Variants in SLC25A21 observed in about 807,000 individuals in gnomAD.
SLC25A21 encodes the protein mitochondrial 2-oxodicarboxylate carrier.
In SLC25A21, 47 loss-of-function variants were observed where a neutral mutation model predicts 43.8. That is an observed-to-expected ratio of 1.07 (90% confidence interval 0.85 to 1.37). The LOEUF is 1.37. Among genes scored for constraint, SLC25A21 ranks in the 40% most tolerant of loss-of-function variants. The pLI is 0.00. For synonymous variants in SLC25A21, 131 were observed against 121.3 expected (o/e 1.08, Z -0.52); for missense variants, 352 against 350.2 (o/e 1.00, Z -0.04).
chr14:37,012,152 A>G (rs1010848877), intron 1 of SLC25A21, among the ~76,000 whole-genome samples: 2 of 152,198 alleles, frequency 1.3e-5, no homozygotes, highest in Admixed American at 6.5e-5. Flanking sequence ...GGACTTTGGA[A>G]CCACATATGA....
intron 3 of SLC25A21, among the ~76,000 whole-genome samples, chr14:36,799,913 T>G (rs1042777364): frequency 6.6e-6 from 1 of 152,188 alleles, no homozygotes; most frequent in Non-Finnish European, 1.5e-5. Context: ...ATATGTAGTA[T>G]TATTATTCCT....
intron 1 of SLC25A21, among the ~76,000 whole-genome samples, chr14:37,048,498 CT>C (rs1961636498): frequency 1.3e-5 from 2 of 151,770 alleles, no homozygotes; most frequent in Admixed American, 6.6e-5. Context: ...AAATGTACCT[CT>C]ACATTTTAAG....
intron 1 of SLC25A21, among the ~76,000 whole-genome samples, chr14:37,120,672 T>A (rs563830767): frequency 2.0e-5 from 3 of 152,112 alleles, no homozygotes; most frequent in African/African-American, 7.2e-5. Flanking sequence ...CTAAGCTTAG[T>A]TACCGGGCAT....
chr14:37,144,986 TAAC>T (rs1461916847), intron 1 of SLC25A21, among the ~76,000 whole-genome samples: 1 of 152,052 alleles, frequency 6.6e-6, no homozygotes, highest in Non-Finnish European at 1.5e-5. Flanking sequence ...GGAAGAGTCT[TAAC>T]TACTCATATG....
intron 1 of SLC25A21, among the ~76,000 whole-genome samples, chr14:36,957,390 C>A (rs1959368349): frequency 6.6e-6 from 1 of 152,218 alleles, no homozygotes; most frequent in South Asian, 2.1e-4. Context: ...ACCCTGAGTT[C>A]CAGTCCTGGC....
intron 1 of SLC25A21, among the ~76,000 whole-genome samples, chr14:37,074,533 A>G (rs1962240012): frequency 6.6e-6 from 1 of 152,138 alleles, no homozygotes. Context: ...GGAAGCACCT[A>G]CAAGAATTCA....
At chr14:36,876,406 T>C (rs1296879834) in intron 1 of SLC25A21, among the ~76,000 whole-genome samples, 1 of 152,174 alleles carries the variant, frequency 6.6e-6, no homozygotes, top group Non-Finnish European at 1.5e-5. Context: ...ATGGATGATG[T>C]TTGTGCCAAA....
chr14:36,919,965 C>T (rs1364139677), intron 1 of SLC25A21, among the ~76,000 whole-genome samples: 1 of 152,018 alleles, frequency 6.6e-6, no homozygotes, highest in Non-Finnish European at 1.5e-5. Context: ...TAGATGTGTC[C>T]TGAAGATATT....
chr14:37,165,205 C>G (rs1469082213), intron 1 of SLC25A21, among the ~76,000 whole-genome samples: 1 of 152,052 alleles, frequency 6.6e-6, no homozygotes, highest in East Asian at 1.9e-4. Flanking sequence ...GGCGAAACCT[C>G]ATCTCTACTA....
In SLC25A21 at chr14:36,925,583, A is replaced by G. The variant is rs1448816746; in HGVS notation, c.71-50579T>C. Among the ~76,000 whole-genome samples, 3 of 152,220 alleles carry G rather than the reference A, an allele frequency of 2.0e-5. No homozygotes were observed. The South Asian group carries it at 6.2e-4, about 31-fold the overall frequency. ...AGCTTCTGGCAAGCCACGGTGGCTCACACCTGTAATCCCAGCAGTTTGGGA... is the reference window on the plus strand; with the variant it reads ...AGCTTCTGGCAAGCCACGGTGGCTCGCACCTGTAATCCCAGCAGTTTGGGA... On this transcript the variant is annotated intron_variant, in intron 1 of 9. Coordinates refer to ENST00000331299, the MANE Select transcript of SLC25A21 (RefSeq NM_030631.4).
intron 1 of SLC25A21, among the ~76,000 whole-genome samples, chr14:37,070,581 C>T (rs995662283): frequency 2.6e-5 from 4 of 152,184 alleles, no homozygotes; most frequent in African/African-American, 9.7e-5. Flanking sequence ...GATTAATTCT[C>T]CAACTTAAGC....
rs186367565 is a variant in SLC25A21 at position 36,916,138 on chromosome 14, T to C, written c.71-41134A>G. On this transcript the variant is annotated intron_variant, in intron 1 of 9. Coordinates refer to ENST00000331299, the MANE Select transcript of SLC25A21 (RefSeq NM_030631.4). The stretch of plus-strand genomic sequence containing the variant: ...ACAACAGCAACAACTGATTAAAGCA[T>C]TTCCTAGATTCTCAGCAACTTAAGA... Among the ~76,000 whole-genome samples the C allele has an allele frequency of 1.7e-3, 260 of 152,316 alleles. 1 individual carries two copies. The highest frequency in any genetic ancestry group is 6.0e-3 in the African/African-American group (250 of 41,574).
chr14:36,870,728 T>C (rs936172123), intron 2 of SLC25A21: 6 of 152,182 alleles, frequency 3.9e-5, no homozygotes, highest in African/African-American at 7.2e-5. Context: ...TTCAGAAATG[T>C]TGAAGTGAAT....
intron 1 of SLC25A21, among the ~76,000 whole-genome samples, chr14:36,912,499 C>T (rs1566733153): frequency 2.0e-5 from 3 of 152,182 alleles, no homozygotes; most frequent in Admixed American, 6.5e-5. Context: ...ACAACAATTA[C>T]GGTCCTATAA....
chr14:36,980,409 A>G (rs2138698598), intron 1 of SLC25A21, among the ~76,000 whole-genome samples: 1 of 152,240 alleles, frequency 6.6e-6, no homozygotes, highest in Non-Finnish European at 1.5e-5. Context: ...TGGTCTTTAC[A>G]CATAGTCCCA....
chr14:36,834,294 G>A lies in SLC25A21; in HGVS notation c.120-20293C>T, dbSNP rs535046175. On this transcript the variant is annotated intron_variant, in intron 2 of 9. Coordinates refer to ENST00000331299, the MANE Select transcript of SLC25A21 (RefSeq NM_030631.4). Reference sequence around the variant, plus strand: ...CAGGCAAGGTTTTTGTTGCTTTTTCGCATCTTTTTATCTTTTCTTAGGATT... The same window carrying A: ...CAGGCAAGGTTTTTGTTGCTTTTTCACATCTTTTTATCTTTTCTTAGGATT... Among the ~76,000 whole-genome samples, 238 of 152,148 alleles carry A rather than the reference G, an allele frequency of 1.6e-3. 1 individual carries two copies. The highest frequency in any genetic ancestry group is 3.0e-3 in the Non-Finnish European group (202 of 67,982).
intron 2 of SLC25A21, among the ~76,000 whole-genome samples, chr14:36,868,117 GAA>G (rs1405496655): frequency 6.7e-6 from 1 of 150,272 alleles, no homozygotes; most frequent in East Asian, 1.9e-4. Context: ...GAGAGAGGGA[GAA>G]AGAGAGTGTA....
chr14:37,065,217 A>G (rs1962035536), intron 1 of SLC25A21, among the ~76,000 whole-genome samples: 2 of 152,162 alleles, frequency 1.3e-5, no homozygotes, highest in African/African-American at 4.8e-5. Flanking sequence ...GTACAGAAGA[A>G]CCCTGAATGC....
intron 4 of SLC25A21, among the ~76,000 whole-genome samples, chr14:36,732,076 C>G (rs957438504): frequency 8.5e-5 from 13 of 152,160 alleles, no homozygotes; most frequent in Non-Finnish European, 4.4e-5. Context: ...TCTATCTCCA[C>G]CAGGAGTGGA....
Sources: allele counts gnomAD v4.1 joint callset (sites outside exome capture counted in the v4.1 genomes callset), GRCh38; gene constraint gnomAD v4.1.1; transcripts MANE v1.5; gene names NCBI Gene and HGNC (gene_info 2026-07-23, HGNC 2026-07-21).